The following GRIN2B variants were observed in gnomAD, a reference collection of about 807,000 sequenced individuals.
GRIN2B encodes glutamate ionotropic receptor NMDA type subunit 2B, also known as glutamate receptor ionotropic, NMDA 2B.
GRIN2B carries 5 observed loss-of-function variants against 114.5 expected under a neutral mutation model. That is an observed-to-expected ratio of 0.04 (90% CI 0.02 to 0.09). The LOEUF (loss-of-function observed/expected upper bound fraction) is 0.09. Ranked by LOEUF, GRIN2B falls within the 10% of genes least tolerant of loss-of-function variation. The probability of loss-of-function intolerance (pLI) is 1.00; values close to 1 mark genes in which losing one functional copy is unlikely to be tolerated. For synonymous variants in GRIN2B, 787 were observed against 745.1 expected, an observed-to-expected ratio of 1.06 and a Z score of -0.92; for missense variants, 1,108 against 1,943.5, an observed-to-expected ratio of 0.57 and a Z score of 8.08.
At chr12:13,604,182 T>A (rs926268353) in intron 10 of GRIN2B, among the ~76,000 whole-genome samples, 1 of 152,200 alleles carries the variant, frequency 6.6e-6, no homozygotes, top group African/African-American at 2.4e-5. Context: ...GGGGAGCTGA[T>A]GGAACGTACA....
intron 3 of GRIN2B, among the ~76,000 whole-genome samples, chr12:13,799,453 C>T (rs1417688444): frequency 1.3e-5 from 2 of 152,094 alleles, no homozygotes; most frequent in Non-Finnish European, 2.9e-5. Flanking sequence ...ACACAGTCAC[C>T]CATGAGGCTG....
Position 13,541,394 on chromosome 12 carries a change from G to A in GRIN2B, c.*21389C>T, listed in dbSNP as rs1022712186. On this transcript the variant is annotated 3_prime_UTR_variant, in exon 14 of 14. Transcript: ENST00000609686. ...CAGGGGTGGGAGCCAGTCTGAAGGA[G>A]GGGAGATCTGAGGCAGGGTAAATGG... 1 of 152,202 alleles carries A rather than the reference G, an allele frequency of 6.6e-6. No homozygotes were observed. The highest frequency in any genetic ancestry group is 1.5e-5 in the Non-Finnish European group (1 of 68,062). 9.4% of individuals were successfully genotyped at this position (152,202 alleles called of 1,614,324 possible). A position where few individuals can be genotyped will look rare whatever the true frequency, so the allele number is the denominator to read the frequency against.
chr12:13,748,786 T>C (rs1362673648), intron 4 of GRIN2B, among the ~76,000 whole-genome samples: 1 of 152,188 alleles, frequency 6.6e-6, no homozygotes. Context: ...TTATATGTAT[T>C]CAAAGTAGGG....
At chr12:13,877,799 A>T (rs1335807302) in intron 2 of GRIN2B, among the ~76,000 whole-genome samples, 1 of 152,114 alleles carries the variant, frequency 6.6e-6, no homozygotes, top group Non-Finnish European at 1.5e-5. Flanking sequence ...GCAGTGGCTC[A>T]CACCCATAAT....
At chr12:13,689,442 C>T (rs1290499497) in intron 4 of GRIN2B, among the ~76,000 whole-genome samples, 2 of 152,048 alleles carry the variant, frequency 1.3e-5, no homozygotes, top group African/African-American at 4.8e-5. Context: ...TTTAATTTCC[C>T]ATGCCCAATC....
At chr12:13,975,241 C>T (rs967612424) in intron 2 of GRIN2B, among the ~76,000 whole-genome samples, 4 of 152,310 alleles carry the variant, frequency 2.6e-5, no homozygotes, top group South Asian at 2.1e-4. Flanking sequence ...GCAACTCTGG[C>T]GTCAACTGAT....
intron 4 of GRIN2B, among the ~76,000 whole-genome samples, chr12:13,700,085 G>A (rs1276851519): frequency 6.6e-6 from 1 of 152,072 alleles, no homozygotes; most frequent in Non-Finnish European, 1.5e-5. Flanking sequence ...AGGACTGAAG[G>A]GCAGTAATAC....
intron 2 of GRIN2B, among the ~76,000 whole-genome samples, chr12:13,930,241 T>C (rs747059946): frequency 6.6e-6 from 1 of 152,222 alleles, no homozygotes; most frequent in Non-Finnish European, 1.5e-5. Flanking sequence ...TATTTTTTAA[T>C]AGAATCTTAT....
At chr12:13,676,621 G>C (rs949870804) in intron 4 of GRIN2B, among the ~76,000 whole-genome samples, 3 of 152,132 alleles carry the variant, frequency 2.0e-5, no homozygotes, top group Non-Finnish European at 4.4e-5. Context: ...AAGTGGTGGA[G>C]ATAAGAAATG....
intron 3 of GRIN2B, among the ~76,000 whole-genome samples, chr12:13,825,496 T>TTGTG (rs55893904): frequency 0.017 from 2,113 of 122,922 alleles, 47 homozygotes; most frequent in African/African-American, 0.053. Flanking sequence ...TATATATATT[T>TTGTG]TGTGTGTGTG....
At chr12:13,923,930 G>C (rs1224334324) in intron 2 of GRIN2B, among the ~76,000 whole-genome samples, 1 of 152,098 alleles carries the variant, frequency 6.6e-6, no homozygotes, top group African/African-American at 2.4e-5. Context: ...GAATAAGAAA[G>C]CTACTCCAAC....
intron 4 of GRIN2B, among the ~76,000 whole-genome samples, chr12:13,704,950 T>C (rs11836523): frequency 0.15 from 22,546 of 152,172 alleles, 2,033 homozygotes; most frequent in African/African-American, 0.24. Flanking sequence ...TAATGCCCCA[T>C]GACTGATTTC....
intron 3 of GRIN2B, among the ~76,000 whole-genome samples, chr12:13,775,582 A>G (rs376552776): frequency 6.6e-6 from 1 of 152,224 alleles, no homozygotes; most frequent in East Asian, 1.9e-4. Flanking sequence ...TAGAAATAGA[A>G]TTAGGGAAGA....
intron 2 of GRIN2B, among the ~76,000 whole-genome samples, chr12:13,961,083 C>CT (rs532043399): frequency 0.036 from 5,191 of 145,126 alleles, 303 homozygotes; most frequent in African/African-American, 0.12. Context: ...ATTCTGACGA[C>CT]TTTTTTTTTT....
chr12:13,615,199 G>T lies in GRIN2B; in HGVS notation c.1569C>A (p.Val523=). 1 of 1,613,072 alleles carries T rather than the reference G, an allele frequency of 6.2e-7. No individual in the cohort carries two copies. The highest frequency in any genetic ancestry group is 1.1e-5 in the South Asian group (1 of 91,038). The change falls in exon 8 of 14, where the codon GTC becomes GTA. Residue 523 remains valine (V), a synonymous_variant. Transcript: ENST00000609686. The surrounding 1 kb of genome is among the most constrained non-coding windows in gnomAD (Gnocchi z 5.8). ...TCTCTATGAAGGGCACAGAGAAGTC[G>T]ACCACCTCCGATCGTTCCTCATTGA... The part of the protein sequence containing the change: ...LTINEERSEV[V]DFSVPFIETG...
chr12:13,844,870 G>A (rs1049626140), intron 3 of GRIN2B, among the ~76,000 whole-genome samples: 2 of 152,104 alleles, frequency 1.3e-5, no homozygotes, highest in Non-Finnish European at 2.9e-5. Context: ...GTAATATTTT[G>A]TTATCTTTAT....
At chr12:13,760,845 A>T (rs757003247) in intron 3 of GRIN2B, among the ~76,000 whole-genome samples, 1 of 152,180 alleles carries the variant, frequency 6.6e-6, no homozygotes, top group Non-Finnish European at 1.5e-5. Context: ...TACTCACCAA[A>T]TCCTAAATGA....
chr12:13,824,090 T>C (rs867935671), intron 3 of GRIN2B, among the ~76,000 whole-genome samples: 1 of 152,166 alleles, frequency 6.6e-6, no homozygotes, highest in African/African-American at 2.4e-5. Context: ...TATTGGTATA[T>C]AGTTTTCTTA....
At chr12:13,719,341 C>T (rs1307865592) in intron 4 of GRIN2B, among the ~76,000 whole-genome samples, 2 of 152,064 alleles carry the variant, frequency 1.3e-5, no homozygotes, top group East Asian at 1.9e-4. Flanking sequence ...CCTTAATTCA[C>T]TTATCCACAT....
Sources: gnomAD v4.1 joint callset for allele counts (sites outside exome capture counted in the v4.1 genomes callset) on GRCh38, gnomAD v4.1.1 for gene constraint, Gnocchi (gnomAD v3.1) non-coding constraint, MANE v1.5 for transcripts, NCBI Gene and HGNC (gene_info 2026-07-23, HGNC 2026-07-21) for gene names.